ANKFN1: variants seen among roughly 807,000 people sequenced by gnomAD.
The protein encoded by ANKFN1 is ankyrin repeat and fibronectin type III domain containing 1, also known as ankyrin repeat and fibronectin type-III domain-containing protein 1.
In ANKFN1, 74 loss-of-function variants were observed where a neutral mutation model predicts 108.7. That is an observed-to-expected ratio of 0.68 (90% confidence interval 0.56 to 0.83). The LOEUF (loss-of-function observed/expected upper bound fraction) is 0.83. Among genes scored for constraint, ANKFN1 ranks in the 40% least tolerant of loss-of-function variants. ANKFN1 has a pLI of 0.00. For synonymous variants in ANKFN1, 547 were observed against 516.2 expected (o/e 1.06, Z -0.81); for missense variants, 1,505 against 1,382.3 (o/e 1.09, Z -1.41).
At chr17:56,267,241 CT>C (rs2144155045) in intron 3 of ANKFN1, among the ~76,000 whole-genome samples, 1 of 152,274 alleles carries the variant, frequency 6.6e-6, no homozygotes, top group South Asian at 2.1e-4. Flanking sequence ...TAAGAAGTGT[CT>C]GTTCATGTCT....
intron 4 of ANKFN1, among the ~76,000 whole-genome samples, chr17:56,070,719 T>C (rs1905110451): frequency 6.8e-6 from 1 of 146,324 alleles, no homozygotes; most frequent in African/African-American, 2.6e-5. Flanking sequence ...GTTGATAATG[T>C]CCATTTTCTC....
At chr17:56,467,954 G>T (rs1158072709) in intron 15 of ANKFN1, among the ~76,000 whole-genome samples, 2 of 152,182 alleles carry the variant, frequency 1.3e-5, no homozygotes, top group South Asian at 4.1e-4. Flanking sequence ...ATGTCCTTCA[G>T]CCTTCACTTG....
chr17:56,125,957 G>A (rs1406436702), intron 4 of ANKFN1, among the ~76,000 whole-genome samples: 1 of 152,190 alleles, frequency 6.6e-6, no homozygotes, highest in Non-Finnish European at 1.5e-5. Flanking sequence ...TGAGAATGAA[G>A]ACTATGAGCC....
chr17:56,413,881 T>C (rs1373212392), intron 8 of ANKFN1, among the ~76,000 whole-genome samples: 14 of 151,890 alleles, frequency 9.2e-5, no homozygotes, highest in African/African-American at 3.4e-4. Context: ...TTTCTCCATG[T>C]TGACCAGTCT....
rs1598747563 is a variant in ANKFN1 at position 56,514,610 on chromosome 17, T to C, written c.*3341T>C. Among the ~76,000 whole-genome samples the C allele has an allele frequency of 1.3e-5, 2 of 152,300 alleles. No homozygotes were observed. The highest frequency in any genetic ancestry group is 4.8e-5 in the African/African-American group (2 of 41,578). ...TCCAGGGAATGAGTATTTTAAGAAGTAGGTACTTAAAGATGAGAGCCATTC... is the reference window on the plus strand; with the variant it reads ...TCCAGGGAATGAGTATTTTAAGAAGCAGGTACTTAAAGATGAGAGCCATTC... On this transcript the variant is annotated 3_prime_UTR_variant, in exon 21 of 21. Transcript: ENST00000682825.
At chr17:56,154,031 A>AT (rs34355832) in intron 1 of ANKFN1, among the ~76,000 whole-genome samples, 19,944 of 148,630 alleles carry the variant, frequency 0.13, 1,457 homozygotes, top group East Asian at 0.28. Context: ...TTGGAAGTGG[A>AT]TTTTTTTTTT....
In ANKFN1 at chr17:56,114,006, C is replaced by T. The variant is rs538953619; in HGVS notation, c.288+67681C>T. Among the ~76,000 whole-genome samples the T allele has an allele frequency of 4.6e-5, 7 of 152,140 alleles. No homozygotes were observed. The South Asian group carries it at 6.2e-4, about 14-fold the overall frequency. ...GCCATGGAATACAAAAATTTCGTTG[C>T]GTAGATGAGAAACCAAGACTCAGAG... On this transcript the variant is annotated intron_variant, in intron 4 of 12. Coordinates refer to the ANKFN1 transcript ENST00000635860.
At chr17:56,450,730 T>A (rs1305509560) in intron 11 of ANKFN1, among the ~76,000 whole-genome samples, 2 of 152,198 alleles carry the variant, frequency 1.3e-5, no homozygotes, top group African/African-American at 4.8e-5. Context: ...AGTGGACAGA[T>A]GATTCTTGGA....
chr17:56,073,939 G>C (rs1193136932), intron 4 of ANKFN1, among the ~76,000 whole-genome samples: 2 of 152,224 alleles, frequency 1.3e-5, no homozygotes, highest in African/African-American at 4.8e-5. Context: ...ACCTTTTGGA[G>C]ATTGTGTTAC....
chr17:56,451,911 CCTA>C (rs1178186601), intron 11 of ANKFN1, among the ~76,000 whole-genome samples: 1 of 152,142 alleles, frequency 6.6e-6, no homozygotes, highest in African/African-American at 2.4e-5. Context: ...AATCACTTCT[CCTA>C]CTAAAATCCT....
chr17:56,135,247 TGTA>T (rs1314846755), intron 4 of ANKFN1, among the ~76,000 whole-genome samples: 1 of 152,220 alleles, frequency 6.6e-6, no homozygotes, highest in African/African-American at 2.4e-5. Context: ...TTACTTTAAA[TGTA>T]GTATTTGTGC....
At chr17:56,052,225 T>C (rs539456611) in intron 4 of ANKFN1, among the ~76,000 whole-genome samples, 1 of 152,188 alleles carries the variant, frequency 6.6e-6, no homozygotes, top group East Asian at 1.9e-4. Flanking sequence ...AACAGAGATA[T>C]AGATAAATGA....
Position 56,492,210 on chromosome 17 carries a change from A to C in ANKFN1, c.2284A>C (p.Lys762Gln), listed in dbSNP as rs1446519886. 1 of 700,788 alleles carries C rather than the reference A, an allele frequency of 1.4e-6. No homozygotes were observed. The highest frequency in any genetic ancestry group is 1.7e-5 in the African/African-American group (1 of 57,226). The allele number at this position is 700,788 out of a possible 1,614,324, so 43.4% of individuals were successfully genotyped here. ...AGTTCATTTTTGCAGCTACAGAGAG[A>C]AATTTATTAGTCTGTATTGCCGCCT... ...ELVHFCSYREKFISLYCRLSA... is the reference protein window; with the variant it reads ...ELVHFCSYREQFISLYCRLSA... The change falls in exon 19 of 21, where the codon AAA (lysine) becomes CAA (glutamine). Residue 762 changes from lysine (K) to glutamine (Q), a missense_variant. By Grantham distance (53) the Lys-to-Gln change is moderately conservative. Transcript: ENST00000682825.
intron 1 of ANKFN1, among the ~76,000 whole-genome samples, chr17:56,194,029 C>G (rs1913260381): frequency 6.6e-6 from 1 of 152,154 alleles, no homozygotes; most frequent in African/African-American, 2.4e-5. Flanking sequence ...CAGAGGTACT[C>G]CATGTCTTTT....
intron 3 of ANKFN1, among the ~76,000 whole-genome samples, chr17:56,241,489 T>C (rs1917580598): frequency 6.6e-6 from 1 of 152,138 alleles, no homozygotes; most frequent in African/African-American, 2.4e-5. Context: ...CTGAGGGATC[T>C]ACTCTGTTCA....
chr17:56,059,823 T>C (rs1482573346), intron 4 of ANKFN1, among the ~76,000 whole-genome samples: 1 of 152,238 alleles, frequency 6.6e-6, no homozygotes, highest in East Asian at 1.9e-4. Context: ...GCTGTTTTGC[T>C]TACTGTAGCC....
At chr17:56,350,144 C>T (rs2046207920) in intron 4 of ANKFN1, among the ~76,000 whole-genome samples, 1 of 152,138 alleles carries the variant, frequency 6.6e-6, no homozygotes, top group Admixed American at 6.6e-5. Context: ...GGGCCCCAGC[C>T]AGGGTATCTG....
intron 18 of ANKFN1, among the ~76,000 whole-genome samples, chr17:56,484,173 A>C (rs2050790380): frequency 6.6e-6 from 1 of 152,194 alleles, no homozygotes; most frequent in Non-Finnish European, 1.5e-5. Flanking sequence ...CAAGTGGTCC[A>C]GTTTGGCTAG....
intron 4 of ANKFN1, among the ~76,000 whole-genome samples, chr17:56,128,513 T>C (rs756340581): frequency 2.6e-5 from 4 of 152,192 alleles, no homozygotes; most frequent in Non-Finnish European, 5.9e-5. Context: ...TCTGTAACAA[T>C]GTCCTGGTTT....
Sources: allele counts gnomAD v4.1 joint callset (sites outside exome capture counted in the v4.1 genomes callset), GRCh38; gene constraint gnomAD v4.1.1; transcripts MANE v1.5; gene names NCBI Gene and HGNC (gene_info 2026-07-23, HGNC 2026-07-21).